RHBDD1: variants seen among roughly 807,000 people sequenced by gnomAD.
The protein encoded by RHBDD1 is rhomboid domain containing 1, also known as rhomboid-related protein 4.
A neutral mutation model predicts 36.3 loss-of-function variants in RHBDD1; 38 were observed. The observed-to-expected ratio is 1.05, with a 90% CI of 0.81 to 1.37. The LOEUF is 1.37. RHBDD1 is among the 40% of genes most tolerant of loss of function. RHBDD1 has a pLI of 0.00. For missense variants in RHBDD1, 393 were observed against 377.6 expected, an observed-to-expected ratio of 1.04 and a Z score of -0.34; for synonymous variants, 151 against 136.5, an observed-to-expected ratio of 1.11 and a Z score of -0.74.
intron 8 of RHBDD1, among the ~76,000 whole-genome samples, chr2:226,941,794 A>G (rs1950683950): frequency 1.3e-5 from 2 of 152,240 alleles, no homozygotes; most frequent in African/African-American, 4.8e-5. Context: ...ACATACCCAT[A>G]ACACAGGCAC....
chr2:226,925,543 T>G (rs1317067961), intron 8 of RHBDD1, among the ~76,000 whole-genome samples: 1 of 152,174 alleles, frequency 6.6e-6, no homozygotes, highest in Non-Finnish European at 1.5e-5. Flanking sequence ...CCAAATATTT[T>G]TCCTTAGGAA....
chr2:226,995,561 A>T lies in RHBDD1; in HGVS notation c.*39A>T. 3.6e-6 allele frequency: 5 copies of T among 1,384,812 alleles called. No individual in the cohort carries two copies. Among genetic ancestry groups the T allele is most frequent in the Non-Finnish European group, 1.0e-6 (1 of 980,608 alleles). 85.8% of individuals were successfully genotyped at this position (1,384,812 alleles called of 1,614,324 possible). A position where few individuals can be genotyped will look rare whatever the true frequency, so the allele number is the denominator to read the frequency against. Reference sequence around the variant, plus strand: ...GAAGACATGGCCTATTCGTGTAATTATTGCCCATTTGGCTCATTCCCCAAG... The same window carrying T: ...GAAGACATGGCCTATTCGTGTAATTTTTGCCCATTTGGCTCATTCCCCAAG... On this transcript the variant is annotated 3_prime_UTR_variant, in exon 9 of 9. Transcript: ENST00000392062.
Position 226,874,953 on chromosome 2 carries a change from A to T in RHBDD1, c.566+7635A>T, listed in dbSNP as rs533053083. Among the ~76,000 whole-genome samples, 98 of 152,328 alleles carry T rather than the reference A, an allele frequency of 6.4e-4. No individual in the cohort carries two copies. The South Asian group carries it at 0.019, about 30-fold the overall frequency. Reference sequence around the variant, plus strand: ...GAATTCCTGGTTATTCAAAACCCAAATCACATAGTATCTATTGTATGCTAC... The same window carrying T: ...GAATTCCTGGTTATTCAAAACCCAATTCACATAGTATCTATTGTATGCTAC... On this transcript the variant is annotated intron_variant, in intron 5 of 8. Coordinates refer to ENST00000392062, the MANE Select transcript of RHBDD1 (RefSeq NM_001167608.3).
chr2:226,934,911 CA>C lies in RHBDD1; in HGVS notation c.856+20563del, dbSNP rs578224544. Reference sequence around the variant, plus strand: ...CACCAGGTTAAGTTGGTGCTGGGTACAAAGCTCTGTCCTTTTCAATTTCTAT... The same window carrying C: ...CACCAGGTTAAGTTGGTGCTGGGTACAAGCTCTGTCCTTTTCAATTTCTAT... On this transcript the variant is annotated intron_variant, in intron 8 of 8. Coordinates refer to ENST00000392062, the MANE Select transcript of RHBDD1 (RefSeq NM_001167608.3). Among the ~76,000 whole-genome samples, 24 of 151,464 alleles carry C rather than the reference CA, an allele frequency of 1.6e-4. No homozygotes were observed. The South Asian group carries it at 5.0e-3, about 32-fold the overall frequency.
intron 3 of RHBDD1, among the ~76,000 whole-genome samples, chr2:226,856,365 A>G (rs1943329412): frequency 6.6e-6 from 1 of 152,188 alleles, no homozygotes; most frequent in African/African-American, 2.4e-5. Context: ...TCTTATTTTC[A>G]AAACTATCTT....
the RHBDD1 span, among the ~76,000 whole-genome samples, chr2:226,823,461 A>T: frequency 1.3e-5 from 2 of 152,222 alleles, no homozygotes; most frequent in Non-Finnish European, 2.9e-5. Flanking sequence ...ACTAAGTCCC[A>T]TGGCACTTGA....
chr2:226,976,590 C>T (rs188107935), intron 8 of RHBDD1, among the ~76,000 whole-genome samples: 1 of 152,246 alleles, frequency 6.6e-6, no homozygotes, highest in Admixed American at 6.5e-5. Flanking sequence ...GGTGCTGCTG[C>T]TACCTTAAGC....
intron 8 of RHBDD1, among the ~76,000 whole-genome samples, chr2:226,957,958 T>C (rs1951890476): frequency 1.3e-5 from 2 of 152,018 alleles, no homozygotes; most frequent in South Asian, 4.2e-4. Flanking sequence ...ATTGTAAAAT[T>C]GTATAGCTGC....
At chr2:226,958,991 T>A (rs1384062164) in intron 8 of RHBDD1, among the ~76,000 whole-genome samples, 1 of 152,162 alleles carries the variant, frequency 6.6e-6, no homozygotes. Flanking sequence ...ATAATGTATA[T>A]GCCCGGAGCT....
chr2:226,836,597 GA>G (rs894256687), intron 1 of RHBDD1, among the ~76,000 whole-genome samples: 2 of 152,118 alleles, frequency 1.3e-5, no homozygotes, highest in Non-Finnish European at 2.9e-5. Flanking sequence ...AAAACCTTTG[GA>G]TAAACGTTTA....
chr2:226,866,003 A>G (rs970566868), intron 4 of RHBDD1, among the ~76,000 whole-genome samples: 1 of 152,262 alleles, frequency 6.6e-6, no homozygotes, highest in Non-Finnish European at 1.5e-5. Context: ...ATCACTCTGC[A>G]TAACCTAACC....
At chr2:226,978,894 G>C (rs1255909155) in intron 8 of RHBDD1, among the ~76,000 whole-genome samples, 1 of 152,204 alleles carries the variant, frequency 6.6e-6, no homozygotes, top group Non-Finnish European at 1.5e-5. Context: ...ACTGTGTGGA[G>C]AATGGCTGGT....
chr2:226,835,979 C>T (rs773197627), upstream of RHBDD1: 2 of 152,634 alleles, frequency 1.3e-5, no homozygotes, highest in Non-Finnish European at 2.9e-5. Flanking sequence ...CTTTAAGGCC[C>T]TCCCCTCCCG....
At chr2:226,853,369 T>C (rs1317112391) in intron 3 of RHBDD1, among the ~76,000 whole-genome samples, 1 of 152,248 alleles carries the variant, frequency 6.6e-6, no homozygotes, top group East Asian at 1.9e-4. Flanking sequence ...ATTTAACTAC[T>C]TATAGCCATT....
chr2:226,834,196 T>C (rs1940812712), upstream of RHBDD1, among the ~76,000 whole-genome samples: 1 of 152,180 alleles, frequency 6.6e-6, no homozygotes, highest in African/African-American at 2.4e-5. Context: ...TAGAAAGATG[T>C]AGAGAGTGAT....
rs1461077450 is a variant in RHBDD1, at chr2:226,998,576, C to A, written c.*3054C>A. ...ATCATTGCAGTCATTCCCTAAGTTT[C>A]TTCTCTTTTTTTTTCATGGCTGCTA... On this transcript the variant is annotated 3_prime_UTR_variant, in exon 9 of 9. Transcript: ENST00000392062. The A allele has an allele frequency of 6.6e-6, 1 of 151,966 alleles. No individual in the cohort carries two copies. The allele number at this position is 151,966 out of a possible 1,614,324, so 9.4% of individuals were successfully genotyped here.
At chr2:226,899,259 A>G (rs1237107730) in intron 5 of RHBDD1, among the ~76,000 whole-genome samples, 1 of 152,242 alleles carries the variant, frequency 6.6e-6, no homozygotes, top group African/African-American at 2.4e-5. Flanking sequence ...ATTCGTATTT[A>G]GTTTGCATAA....
chr2:226,954,881 G>C (rs1312125449), intron 8 of RHBDD1, among the ~76,000 whole-genome samples: 2 of 152,020 alleles, frequency 1.3e-5, no homozygotes, highest in Non-Finnish European at 2.9e-5. Context: ...GAAGGAGAGA[G>C]TATGTTCATA....
chr2:226,991,236 A>G (rs1958121413), intron 8 of RHBDD1, among the ~76,000 whole-genome samples: 1 of 152,228 alleles, frequency 6.6e-6, no homozygotes. Context: ...GCTGAAGTGC[A>G]GTGGCAAGAT....
Sources: gnomAD v4.1 joint callset for allele counts (sites outside exome capture counted in the v4.1 genomes callset) on GRCh38, gnomAD v4.1.1 for gene constraint, MANE v1.5 for transcripts, NCBI Gene and HGNC (gene_info 2026-07-23, HGNC 2026-07-21) for gene names.